The following BCAR3 variants were observed in gnomAD, a reference collection of about 807,000 sequenced individuals.
BCAR3 encodes BCAR3 adaptor protein, NSP family member.
A neutral mutation model predicts 80.1 loss-of-function variants in BCAR3; 37 were observed. The observed-to-expected ratio is 0.46, with a 90% confidence interval of 0.36 to 0.61. BCAR3 has a LOEUF of 0.61. BCAR3 is among the 20% of genes least tolerant of loss of function. The pLI, the probability that BCAR3 is intolerant of heterozygous loss-of-function variation, is 0.00. For synonymous variants in BCAR3, 389 were observed against 418.9 expected (o/e 0.93, Z 0.87); for missense variants, 978 against 1,068.2 (o/e 0.92, Z 1.18).
chr1:93,635,816 T>C (rs540522847), intron 3 of BCAR3, among the ~76,000 whole-genome samples: 2 of 152,348 alleles, frequency 1.3e-5, no homozygotes, highest in Non-Finnish European at 2.9e-5. Flanking sequence ...GCCATTGTTT[T>C]TGTAAGTCCC....
At position 93,604,148 on chromosome 1, in the gene BCAR3, C is replaced by T. The variant is rs143874307; in HGVS notation, c.358-11755G>A. On this transcript the variant is annotated intron_variant, in intron 3 of 11. Coordinates refer to ENST00000260502, the MANE Select transcript of BCAR3 (RefSeq NM_003567.4). ...TGTAGACCAAATGGTCGTTTTAGTGCCATTAAAAACTGATTTGCAATTTGC... is the reference window on the plus strand; with the variant it reads ...TGTAGACCAAATGGTCGTTTTAGTGTCATTAAAAACTGATTTGCAATTTGC... Among the ~76,000 whole-genome samples, 423 of 152,262 alleles carry T rather than the reference C, an allele frequency of 2.8e-3. 2 individuals carry two copies. The highest frequency in any genetic ancestry group is 8.2e-3 in the Admixed American group (125 of 15,290).
chr1:93,607,003 G>C (rs933121755), intron 3 of BCAR3, among the ~76,000 whole-genome samples: 4 of 152,164 alleles, frequency 2.6e-5, no homozygotes, highest in African/African-American at 9.7e-5. Context: ...GTGGCCAATG[G>C]AAAGGGAGGG....
intron 2 of BCAR3, among the ~76,000 whole-genome samples, chr1:93,776,777 T>C (rs538180833): frequency 1.3e-5 from 2 of 152,298 alleles, no homozygotes; most frequent in Non-Finnish European, 2.9e-5. Context: ...TCTTTGCCAA[T>C]AGGTGGTATG....
At chr1:93,739,870 A>G (rs748160378) in intron 2 of BCAR3, among the ~76,000 whole-genome samples, 1 of 152,068 alleles carries the variant, frequency 6.6e-6, no homozygotes, top group Non-Finnish European at 1.5e-5. Flanking sequence ...CCCCGTCTCT[A>G]CAAAAAATAT....
In BCAR3 at chr1:93,761,960, T is replaced by C. The variant is rs527251647; in HGVS notation, c.-62-55818A>G. On this transcript the variant is annotated intron_variant, in intron 2 of 13. Coordinates refer to the BCAR3 transcript ENST00000370244. ...CTGCTGTCTGGGCTCTCAGGGTTTA[T>C]GATAAGAGCACCAGCATGCAGGCCC... 1.3e-4 allele frequency among the ~76,000 whole-genome samples: 20 copies of C among 152,292 alleles called. No individual in the cohort carries two copies. The East Asian group carries it at 3.7e-3, about 28-fold the overall frequency.
intron 2 of BCAR3, among the ~76,000 whole-genome samples, chr1:93,674,206 G>A (rs1648353552): frequency 6.6e-6 from 1 of 152,170 alleles, no homozygotes; most frequent in Non-Finnish European, 1.5e-5. Context: ...GTTGGAGCCG[G>A]CTGACAGGTG....
Position 93,636,912 on chromosome 1 carries a change from CAT to C in BCAR3, c.357+5390_357+5391del, listed in dbSNP as rs1675797792. On this transcript the variant is annotated intron_variant, in intron 3 of 11. Transcript: ENST00000260502. ...AAGAGTTCGAGGCAAGCCTGGGCAA[CAT>C]AGTGAGACCCTGTTTCTACAAAAAA... is the stretch of plus-strand genomic sequence containing the variant. 2.6e-5 allele frequency among the ~76,000 whole-genome samples: 4 copies of C among 152,144 alleles called. No homozygotes were observed. The South Asian group carries it at 6.2e-4, about 24-fold the overall frequency.
In BCAR3 at chr1:93,673,247, T is replaced by C. The variant is rs551958603; in HGVS notation, c.317+1367A>G. Among the ~76,000 whole-genome samples the C allele has an allele frequency of 5.9e-5, 9 of 152,346 alleles. No homozygotes were observed. In the East Asian group the frequency reaches 1.5e-3, roughly 26 times the overall value. ...CTAATGCGCTCACTAGAATGTAAAC[T>C]CTGGGAAGATATTGCTTCAGATGCT... On this transcript the variant is annotated intron_variant, in intron 2 of 11. Transcript: ENST00000260502.
Position 93,567,378 on chromosome 1 carries a change from C to A in BCAR3, c.2200G>T (p.Asp734Tyr). 1 of 1,614,126 alleles carries A rather than the reference C, an allele frequency of 6.2e-7. No individual in the cohort carries two copies. The highest frequency in any genetic ancestry group is 8.5e-7 in the Non-Finnish European group (1 of 1,180,040). The change falls in exon 11 of 12, where the codon GAC (aspartate) becomes TAC (tyrosine). Residue 734 changes from aspartate to tyrosine, a missense_variant. Coordinates refer to ENST00000260502, the MANE Select transcript of BCAR3 (RefSeq NM_003567.4). ...TTCAGCATGATTTCACAGCTCTGGT[C>A]GTTTTTTTCCCACATGTCGGTTCCT... is the stretch of plus-strand genomic sequence containing the variant. ...FEGTDMWEKN[D>Y]QSCEIMLNHL...
chr1:93,626,513 A>G (rs1675461562), intron 3 of BCAR3, among the ~76,000 whole-genome samples: 1 of 152,192 alleles, frequency 6.6e-6, no homozygotes, highest in Non-Finnish European at 1.5e-5. Flanking sequence ...TTTTCATAAT[A>G]ATACAGAGAC....
At chr1:93,715,627 G>T (rs1650166018) in intron 2 of BCAR3, among the ~76,000 whole-genome samples, 1 of 152,158 alleles carries the variant, frequency 6.6e-6, no homozygotes, top group Non-Finnish European at 1.5e-5. Context: ...GCTCAGAGCT[G>T]GCCCACAGCA....
At chr1:93,764,978 C>CTTA (rs1458301419) in intron 2 of BCAR3, among the ~76,000 whole-genome samples, 1 of 152,176 alleles carries the variant, frequency 6.6e-6, no homozygotes, top group Non-Finnish European at 1.5e-5. Context: ...GGACCTCGCT[C>CTTA]TTACGCCAGG....
intron 9 of BCAR3, among the ~76,000 whole-genome samples, chr1:93,569,947 T>C (rs997055947): frequency 6.6e-6 from 1 of 152,204 alleles, no homozygotes; most frequent in Non-Finnish European, 1.5e-5. Flanking sequence ...TAGGCAGTTT[T>C]AGGTGACAGG....
intron 2 of BCAR3, among the ~76,000 whole-genome samples, chr1:93,710,052 A>T (rs930035301): frequency 7.9e-5 from 12 of 152,236 alleles, no homozygotes; most frequent in African/African-American, 2.9e-4. Context: ...GAGAAAAAAG[A>T]TTAGGCCAGT....
intron 2 of BCAR3, among the ~76,000 whole-genome samples, chr1:93,656,230 A>G (rs1351899520): frequency 1.3e-5 from 2 of 152,110 alleles, no homozygotes; most frequent in Non-Finnish European, 2.9e-5. Context: ...ATTATTATTT[A>G]AAATTTGACC....
chr1:93,707,692 G>GA (rs1649871921), intron 2 of BCAR3, among the ~76,000 whole-genome samples: 1 of 152,180 alleles, frequency 6.6e-6, no homozygotes, highest in Non-Finnish European at 1.5e-5. Context: ...GGGTGATAGA[G>GA]TGAGACTCAG....
Position 93,644,009 on chromosome 1 carries a change from T to A in BCAR3, c.318-1666A>T, listed in dbSNP as rs186948946. On this transcript the variant is annotated intron_variant, in intron 2 of 11. Transcript: ENST00000260502. ...AAACCATAAATTCTCATCAGATGGG[T>A]TTTATTTAACCCTATATATCGTGAC... Among the ~76,000 whole-genome samples, 320 of 152,188 alleles carry A rather than the reference T, an allele frequency of 2.1e-3. 2 individuals are homozygous for A. The highest frequency in any genetic ancestry group is 7.4e-3 in the African/African-American group (309 of 41,500).
At chr1:93,658,046 T>C (rs1300155404) in intron 2 of BCAR3, among the ~76,000 whole-genome samples, 1 of 151,906 alleles carries the variant, frequency 6.6e-6, no homozygotes, top group East Asian at 1.9e-4. Flanking sequence ...GTTCGAGCCA[T>C]TCTCCTGGCT....
chr1:93,589,874 A>C lies in BCAR3; in HGVS notation c.487-455T>G, dbSNP rs77924050. ...TGTCACAAGAACATGACGTTTATAC[A>C]GACCTGAATGATGTAATGAAACAGG... is the stretch of plus-strand genomic sequence containing the variant. On this transcript the variant is annotated intron_variant, in intron 4 of 11. Transcript: ENST00000260502. Among the ~76,000 whole-genome samples the C allele has an allele frequency of 3.4e-3, 513 of 152,354 alleles. 6 individuals carry two copies. The highest frequency in any genetic ancestry group is 0.012 in the African/African-American group (488 of 41,578).
Sources: gnomAD v4.1 joint callset for allele counts (sites outside exome capture counted in the v4.1 genomes callset) on GRCh38, gnomAD v4.1.1 for gene constraint, MANE v1.5 for transcripts, NCBI Gene and HGNC (gene_info 2026-07-23, HGNC 2026-07-21) for gene names.